MME: variants seen among roughly 807,000 people sequenced by gnomAD.
MME encodes the protein neprilysin.
Under a neutral mutation model 113.2 loss-of-function variants are expected in MME, and 98 were observed. The ratio of observed to expected loss-of-function variants is 0.87; its 90% CI spans 0.74 to 1.02. The LOEUF (loss-of-function observed/expected upper bound fraction) is 1.02. MME is among the 50% of genes least tolerant of loss of function. MME has a pLI of 0.00. For missense variants in MME, 836 were observed against 896.0 expected (o/e 0.93, Z 0.86); for synonymous variants, 292 against 300.6 (o/e 0.97, Z 0.30).
At chr3:155,117,185 AC>A (rs1718696791) in intron 7 of MME, among the ~76,000 whole-genome samples, 199 bp downstream of exon 7, 6 of 152,064 alleles carry the variant, frequency 3.9e-5, no homozygotes, top group Admixed American at 3.9e-4. Flanking sequence ...TTCGACATTC[AC>A]CCCTTGCTTC....
intron 3 of MME, among the ~76,000 whole-genome samples, chr3:155,110,575 C>A (rs1361362612): frequency 6.6e-6 from 1 of 152,124 alleles, no homozygotes; most frequent in Non-Finnish European, 1.5e-5. Context: ...AAAATGGTGT[C>A]ATTTATTATC....
intron 1 of MME, among the ~76,000 whole-genome samples, chr3:155,038,882 TTG>T (rs1713216475): frequency 6.6e-6 from 1 of 152,180 alleles, no homozygotes; most frequent in South Asian, 2.1e-4. Context: ...CTCCTTTGCT[TTG>T]GGGCATTATC....
At position 155,180,704 on chromosome 3, in the gene MME, A is replaced by G. The variant is rs990010866; in HGVS notation, c.*245A>G. 1.5e-5 allele frequency: 7 copies of G among 472,586 alleles called. No individual in the cohort carries two copies. The highest frequency in any genetic ancestry group is 6.4e-5 in the South Asian group (3 of 47,136). 29.3% of individuals were successfully genotyped at this position (472,586 alleles called of 1,614,324 possible). ...TGTGTACATAATGCTTAATTTCTAA[A>G]GATAATATTACTGTTTATTTCTGTT... is the stretch of plus-strand genomic sequence containing the variant. On this transcript the variant is annotated 3_prime_UTR_variant, in exon 23 of 23. Transcript: ENST00000360490.
intron 1 of MME, among the ~76,000 whole-genome samples, chr3:155,035,533 G>C (rs1713100635): frequency 6.6e-6 from 1 of 152,076 alleles, no homozygotes; most frequent in Non-Finnish European, 1.5e-5. Flanking sequence ...AGATTATGGA[G>C]GGAGTGATTT....
chr3:155,063,644 T>G (rs1424369606), intron 1 of MME, among the ~76,000 whole-genome samples: 2 of 122,316 alleles, frequency 1.6e-5, no homozygotes, highest in Non-Finnish European at 3.2e-5. Flanking sequence ...TGATTATATA[T>G]TATATTTGAT....
At chr3:155,027,970 A>G (rs757246692) in intron 1 of MME, among the ~76,000 whole-genome samples, 1 of 152,048 alleles carries the variant, frequency 6.6e-6, no homozygotes, top group Non-Finnish European at 1.5e-5. Context: ...TTTGCCTTGT[A>G]TTATCTGTTT....
chr3:155,152,135 A>G (rs1336352050), intron 16 of MME, among the ~76,000 whole-genome samples: 1 of 152,066 alleles, frequency 6.6e-6, no homozygotes, highest in African/African-American at 2.4e-5. Context: ...ACACCTCACC[A>G]TTGTCCAAAG....
Position 155,160,391 on chromosome 3 carries a change from T to C in MME, c.1603T>C (p.Trp535Arg). ...KLREKVDKDEWISGAAVVNAF... is the reference protein window; with the variant it reads ...KLREKVDKDERISGAAVVNAF... ...AAAGAGTTCTTATGTTTTCTACAGG[T>C]GGATAAGTGGAGCAGCTGTAGTCAA... The change falls in exon 17 of 23, where the codon TGG becomes CGG. Residue 535 changes from tryptophan to arginine, a missense_variant and splice_region_variant. Transcript: ENST00000360490. The C allele has an allele frequency of 6.2e-7, 1 of 1,604,322 alleles. No homozygotes were observed. The highest frequency in any genetic ancestry group is 8.5e-7 in the Non-Finnish European group (1 of 1,171,482).
chr3:155,118,959 T>C, intron 8 of MME, 148 bp downstream of exon 8: 1 of 632,668 alleles, frequency 1.6e-6, no homozygotes, highest in South Asian at 1.9e-5. Context: ...AATAGTGAGC[T>C]GTCTTTGATA....
At chr3:155,102,475 C>T (rs1157406360) in intron 3 of MME, among the ~76,000 whole-genome samples, 1 of 152,110 alleles carries the variant, frequency 6.6e-6, no homozygotes, top group Non-Finnish European at 1.5e-5. Flanking sequence ...GGCTTCATCC[C>T]CTCACCTAAC....
chr3:155,125,840 T>C (rs1719608351), intron 8 of MME, among the ~76,000 whole-genome samples: 1 of 152,052 alleles, frequency 6.6e-6, no homozygotes, highest in African/African-American at 2.4e-5. Flanking sequence ...TGGGGAAAGG[T>C]GTTGGTTCTA....
In MME at chr3:155,140,188, T is replaced by C. The variant is rs1269592637; in HGVS notation, c.856-3T>C. 9.4e-6 allele frequency: 15 copies of C among 1,600,614 alleles called. No individual in the cohort carries two copies. Among genetic ancestry groups the C allele is most frequent in the Non-Finnish European group, 1.2e-5 (14 of 1,170,128 alleles). On this transcript the variant is annotated splice_region_variant and splice_polypyrimidine_tract_variant and intron_variant, in intron 9 of 22. Coordinates refer to ENST00000360490, the MANE Select transcript of MME (RefSeq NM_007289.4). ...AAATAATGATTAAAAATTAAATCCA[T>C]AGGCTACGGCTAAACCTGAAGATCG... is the stretch of plus-strand genomic sequence containing the variant.
rs1381870850 is a variant in MME at position 155,168,634 on chromosome 3, T to C, written c.1914+9T>C. The stretch of plus-strand genomic sequence containing the variant: ...TGGCAGGTGGACAGCACGTATGTCA[T>C]TAGCATTCTCTTGAAAAGTTTTAGA... On this transcript the variant is annotated intron_variant, in intron 19 of 22. Coordinates refer to ENST00000360490, the MANE Select transcript of MME (RefSeq NM_007289.4). 3 of 1,613,794 alleles carry C rather than the reference T, an allele frequency of 1.9e-6. No individual in the cohort carries two copies. The South Asian group carries it at 3.3e-5, about 18-fold the overall frequency.
intron 14 of MME, among the ~76,000 whole-genome samples, chr3:155,146,000 A>G (rs1721474492): frequency 6.6e-6 from 1 of 152,262 alleles, no homozygotes; most frequent in Admixed American, 6.5e-5. Context: ...CATCCATTTG[A>G]TGGGAAACCA....
chr3:155,052,276 C>T (rs920698797), intron 1 of MME, among the ~76,000 whole-genome samples: 6 of 152,102 alleles, frequency 3.9e-5, no homozygotes, highest in South Asian at 2.1e-4. Context: ...ATCTGGAAGA[C>T]GGTGGCCCTC....
chr3:155,029,420 C>T (rs1228332548), intron 1 of MME, among the ~76,000 whole-genome samples: 1 of 151,740 alleles, frequency 6.6e-6, no homozygotes, highest in Non-Finnish European at 1.5e-5. Context: ...ACCTCTTAAA[C>T]TAGACAAATT....
intron 16 of MME, among the ~76,000 whole-genome samples, chr3:155,156,291 T>C (rs1459786644): frequency 6.6e-6 from 1 of 152,186 alleles, no homozygotes; most frequent in Non-Finnish European, 1.5e-5. Context: ...CATGGTTGTG[T>C]TCTACGTTGT....
At chr3:155,160,238 C>A in intron 16 of MME, 152 bp from the exon 17 acceptor site, 1 of 656,818 alleles carries the variant, frequency 1.5e-6, no homozygotes, top group Non-Finnish European at 2.8e-6. Flanking sequence ...TTCAAATGAG[C>A]TCTCACCTAG....
In MME at chr3:155,087,007, T is replaced by TGG. The variant is rs1715805384; in HGVS notation, c.196+1913_196+1914insGG. Reference sequence around the variant, plus strand: ...TTTTGTTTTTTTTGTTTTTTTTTGTTTTTTTTTTTTGTAGAGACAGGGTCT... The same window carrying TGG: ...TTTTGTTTTTTTTGTTTTTTTTTGTTGGTTTTTTTTTTGTAGAGACAGGGTCT... On this transcript the variant is annotated intron_variant, in intron 3 of 22. Transcript: ENST00000360490. Among the ~76,000 whole-genome samples the TGG allele has an allele frequency of 9.4e-5, 3 of 31,962 alleles. 1 individual carries two copies. The highest frequency in any genetic ancestry group is 4.2e-4 in the Admixed American group (2 of 4,770). 21.0% of individuals were successfully genotyped at this position (31,962 alleles called of 152,430 possible). A position where few individuals can be genotyped will look rare whatever the true frequency, so the allele number is the denominator to read the frequency against.
Sources: gnomAD v4.1 joint callset for allele counts (sites outside exome capture counted in the v4.1 genomes callset) on GRCh38, gnomAD v4.1.1 for gene constraint, MANE v1.5 for transcripts, NCBI Gene and HGNC (gene_info 2026-07-23, HGNC 2026-07-21) for gene names.